The following DARS1 variants were observed in gnomAD, a reference collection of about 807,000 sequenced individuals.
The protein encoded by DARS1 is aspartate--tRNA ligase, cytoplasmic.
In DARS1, 51 loss-of-function variants were observed where a neutral mutation model predicts 68.8. The observed-to-expected ratio is 0.74, with a 90% CI of 0.59 to 0.94. The LOEUF (loss-of-function observed/expected upper bound fraction) is 0.94. Ranked by LOEUF, DARS1 falls within the 40% of genes least tolerant of loss-of-function variation. DARS1 has a pLI of 0.00. For missense variants in DARS1, 607 were observed against 597.3 expected, an observed-to-expected ratio of 1.02 and a Z score of -0.17; for synonymous variants, 203 against 190.4, an observed-to-expected ratio of 1.07 and a Z score of -0.55.
chr2:135,942,063 A>G (rs1288576795), intron 5 of DARS1, among the ~76,000 whole-genome samples: 1 of 152,318 alleles, frequency 6.6e-6, no homozygotes, highest in South Asian at 2.1e-4. Flanking sequence ...GTGGGACTGT[A>G]AACGAGTTCA....
At chr2:135,981,147 TTCTC>T (rs1226285862) in intron 2 of DARS1, among the ~76,000 whole-genome samples, 3 of 152,324 alleles carry the variant, frequency 2.0e-5, no homozygotes, top group East Asian at 1.9e-4. Flanking sequence ...TAGGTTATCT[TTCTC>T]TCTAAGTGGA....
intron 3 of DARS1, among the ~76,000 whole-genome samples, chr2:135,976,264 C>T (rs1682495779): frequency 6.6e-6 from 1 of 152,140 alleles, no homozygotes; most frequent in Admixed American, 6.5e-5. Context: ...AAGTGAATTA[C>T]ACTTTCTGCT....
intron 2 of DARS1, among the ~76,000 whole-genome samples, chr2:135,982,938 A>G (rs142609581): frequency 1.3e-5 from 2 of 152,292 alleles, no homozygotes; most frequent in East Asian, 3.9e-4. Context: ...TGAAAATATA[A>G]ATGTTTGGGA....
intron 3 of DARS1, among the ~76,000 whole-genome samples, chr2:135,975,894 A>G (rs1033801819): frequency 2.0e-5 from 3 of 152,112 alleles, no homozygotes; most frequent in Non-Finnish European, 4.4e-5. Flanking sequence ...GGTTGCAATG[A>G]GCTGAGATTG....
intron 1 of DARS1, 47 bp from the exon 2 acceptor site, chr2:135,983,501 G>C (rs778966677): frequency 6.7e-6 from 5 of 751,448 alleles, no homozygotes; most frequent in South Asian, 4.7e-5. Flanking sequence ...TAAACACTAA[G>C]AGCACAGTAA....
chr2:135,934,137 T>A, intron 5 of DARS1, 147 bp from the exon 6 acceptor site: 1 of 1,382,468 alleles, frequency 7.2e-7, no homozygotes, highest in Admixed American at 3.0e-5. Context: ...AACAAGATGA[T>A]ACAGGTTTTT....
intron 3 of DARS1, among the ~76,000 whole-genome samples, chr2:135,969,668 T>C (rs1682323648): frequency 6.6e-6 from 1 of 150,490 alleles, no homozygotes; most frequent in Non-Finnish European, 1.5e-5. Context: ...ATTCAAAGAA[T>C]CTAAAAATGG....
At chr2:135,917,011 A>G (rs1681019247) in intron 10 of DARS1, among the ~76,000 whole-genome samples, 1 of 151,994 alleles carries the variant, frequency 6.6e-6, no homozygotes, top group Non-Finnish European at 1.5e-5. Flanking sequence ...ACATGGTGAA[A>G]CCCCATCTCT....
chr2:135,924,462 C>T lies in DARS1; in HGVS notation c.601G>A (p.Gly201Ser). The part of the protein sequence containing the change: ...TSQAVFRLQS[G>S]ICHLFRETLI... ...GTTTCTCGGAAGAGATGGCAGATGC[C>T]AGACTGGAGACGGAAGACTGCCTGA... Residue 201 changes from glycine to serine, a missense_variant, in exon 8 of 16, where the codon GGC becomes AGC. Coordinates refer to ENST00000264161, the MANE Select transcript of DARS1 (RefSeq NM_001349.4). The T allele has an allele frequency of 6.2e-7, 1 of 1,608,724 alleles. No individual in the cohort carries two copies. Among genetic ancestry groups the T allele is most frequent in the Non-Finnish European group, 8.5e-7 (1 of 1,178,542 alleles).
chr2:135,917,501 G>T (rs766007570), intron 10 of DARS1, among the ~76,000 whole-genome samples: 1 of 151,600 alleles, frequency 6.6e-6, no homozygotes, highest in Non-Finnish European at 1.5e-5. Flanking sequence ...TCTGAGACAG[G>T]GTCCCACTCT....
chr2:135,946,067 G>A (rs1390881383), intron 4 of DARS1, among the ~76,000 whole-genome samples: 2 of 152,012 alleles, frequency 1.3e-5, no homozygotes, highest in African/African-American at 2.4e-5. Context: ...AATCAAAAAG[G>A]TTCCATTTGT....
chr2:135,971,308 T>C (rs1012720962), intron 3 of DARS1, among the ~76,000 whole-genome samples: 5 of 152,130 alleles, frequency 3.3e-5, no homozygotes, highest in Non-Finnish European at 5.9e-5. Context: ...ATCAATGTAA[T>C]ACATTGTATC....
At chr2:135,907,467 G>C in intron 15 of DARS1, 60 bp from the exon 16 acceptor site, 1 of 1,100,792 alleles carries the variant, frequency 9.1e-7, no homozygotes, top group Non-Finnish European at 1.4e-6. Context: ...GTCTTACTTA[G>C]AACTACAAAC....
At position 135,985,152 on chromosome 2, in the gene DARS1, C is replaced by G. The variant is rs1218356393; in HGVS notation, c.66+251G>C. ...CCTACTTCCGGGGCGGCTGGTTCTTCCCGTCCTCCCCACCCCGGGGACACG... is the reference window on the plus strand; with the variant it reads ...CCTACTTCCGGGGCGGCTGGTTCTTGCCGTCCTCCCCACCCCGGGGACACG... On this transcript the variant is annotated intron_variant, in intron 1 of 15. Coordinates refer to ENST00000264161, the MANE Select transcript of DARS1 (RefSeq NM_001349.4). The G allele has an allele frequency of 1.6e-5, 9 of 557,590 alleles. No individual in the cohort carries two copies. The East Asian group carries it at 2.6e-4, about 16-fold the overall frequency. 34.5% of individuals were successfully genotyped at this position (557,590 alleles called of 1,614,324 possible).
chr2:135,919,763 T>C (rs1483429744), intron 10 of DARS1, among the ~76,000 whole-genome samples: 1 of 152,232 alleles, frequency 6.6e-6, no homozygotes, highest in Non-Finnish European at 1.5e-5. Flanking sequence ...CATCTAATAT[T>C]TCTATAAATG....
intron 3 of DARS1, among the ~76,000 whole-genome samples, chr2:135,974,904 C>T (rs1177853013): frequency 6.6e-6 from 1 of 152,006 alleles, no homozygotes; most frequent in Non-Finnish European, 1.5e-5. Flanking sequence ...AAATAGTTAA[C>T]ATATCAGGAA....
intron 3 of DARS1, among the ~76,000 whole-genome samples, chr2:135,971,810 G>A (rs774440515): frequency 6.6e-6 from 1 of 151,856 alleles, no homozygotes; most frequent in African/African-American, 2.4e-5. Flanking sequence ...AGTGAACAAT[G>A]TGAAAAAGAA....
chr2:135,909,711 T>C (rs1181786671), intron 15 of DARS1, among the ~76,000 whole-genome samples: 1 of 152,206 alleles, frequency 6.6e-6, no homozygotes, highest in Non-Finnish European at 1.5e-5. Flanking sequence ...TTGTTTAGCA[T>C]GATGTCCTCT....
rs913816671 is a variant in DARS1 at position 135,975,066 on chromosome 2, C to T, written c.217+4208G>A. On this transcript the variant is annotated intron_variant, in intron 3 of 15. Coordinates refer to ENST00000264161, the MANE Select transcript of DARS1 (RefSeq NM_001349.4). ...AACCATTAAAAAACAATGATGCGGC[C>T]GGGCATAGTGGCTCACGCCTGTAAT... Among the ~76,000 whole-genome samples the T allele has an allele frequency of 3.3e-4, 50 of 152,172 alleles. No homozygotes were observed. In the Middle Eastern group the frequency reaches 0.014, roughly 41 times the overall value.
Sources: gnomAD v4.1 joint callset for allele counts (sites outside exome capture counted in the v4.1 genomes callset) on GRCh38, gnomAD v4.1.1 for gene constraint, MANE v1.5 for transcripts, NCBI Gene and HGNC (gene_info 2026-07-23, HGNC 2026-07-21) for gene names.